Variants in RHOB observed in about 807,000 individuals in gnomAD.
RHOB encodes the protein rho-related GTP-binding protein RhoB.
In RHOB, 6 loss-of-function variants were observed where a neutral mutation model predicts 12.9. The ratio of observed to expected loss-of-function variants is 0.47; its 90% CI spans 0.25 to 0.92. The LOEUF (loss-of-function observed/expected upper bound fraction) is 0.92, where lower values mean the gene tolerates loss of function less well. RHOB is among the 40% of genes least tolerant of loss of function. RHOB has a pLI of 0.16. For missense variants in RHOB, 142 were observed against 277.9 expected (o/e 0.51, Z 3.48); for synonymous variants, 168 against 122.1 (o/e 1.38, Z -2.48).
chr2:20,447,669 C>G lies in RHOB; in HGVS notation c.204C>G (p.Arg68=). ...WDTAGQEDYD[R]LRPLSYPDTD... ...CGGCGGGCCAGGAGGACTACGACCGCCTGCGGCCGCTCTCCTACCCGGACA... is the reference window on the plus strand; with the variant it reads ...CGGCGGGCCAGGAGGACTACGACCGGCTGCGGCCGCTCTCCTACCCGGACA... Residue 68 remains arginine, a synonymous_variant, in exon 1 of 1, where the codon CGC becomes CGG. Transcript: ENST00000272233. 1.9e-6 allele frequency: 3 copies of G among 1,613,892 alleles called. No individual in the cohort carries two copies. The highest frequency in any genetic ancestry group is 2.5e-6 in the Non-Finnish European group (3 of 1,179,956).
chr2:20,447,283 G>GCGCCCCCAC lies in RHOB; in HGVS notation c.-175_-167dup, dbSNP rs1691015480. The GCGCCCCCAC allele has an allele frequency of 4.5e-6, 2 of 444,384 alleles. No homozygotes were observed. The highest frequency in any genetic ancestry group is 3.9e-6 in the Non-Finnish European group (1 of 258,796). The allele number at this position is 444,384 out of a possible 1,614,324, so 27.5% of individuals were successfully genotyped here. A position where few individuals can be genotyped will look rare whatever the true frequency, so the allele number is the denominator to read the frequency against. On this transcript the variant is annotated 5_prime_UTR_variant, in exon 1 of 1. Transcript: ENST00000272233. Reference sequence around the variant, plus strand: ...GACGCACGGTGCGCCCTATGCCCCCGCGCCCCCACCGCCCCCGCCGCGGCA... The same window carrying GCGCCCCCAC: ...GACGCACGGTGCGCCCTATGCCCCCGCGCCCCCACCGCCCCCACCGCCCCCGCCGCGGCA...
rs1423553594 is a variant in RHOB at position 20,449,360 on chromosome 2, A to G, written c.*1304A>G. The G allele has an allele frequency of 6.0e-6, 1 of 166,954 alleles. No individual in the cohort carries two copies. The highest frequency in any genetic ancestry group is 1.5e-5 in the Non-Finnish European group (1 of 68,114). The allele number at this position is 166,954 out of a possible 1,614,324, so 10.3% of individuals were successfully genotyped here. A position where few individuals can be genotyped will look rare whatever the true frequency, so the allele number is the denominator to read the frequency against. On this transcript the variant is annotated 3_prime_UTR_variant, in exon 1 of 1. Coordinates refer to ENST00000272233, the MANE Select transcript of RHOB (RefSeq NM_004040.4). ...TGACAAATGACAAAATGGTGAGCTTATGATGTTTACATAAAAGTTCTATAA... is the reference window on the plus strand; with the variant it reads ...TGACAAATGACAAAATGGTGAGCTTGTGATGTTTACATAAAAGTTCTATAA...
Position 20,447,777 on chromosome 2 carries a change from G to A in RHOB, c.312G>A (p.Lys104=), listed in dbSNP as rs1193634597. 3 of 1,613,868 alleles carry A rather than the reference G, an allele frequency of 1.9e-6. No homozygotes were observed. Among genetic ancestry groups the A allele is most frequent in the Non-Finnish European group, 2.5e-6 (3 of 1,179,996 alleles). ...NIPEKWVPEV[K]HFCPNVPIIL... is the part of the protein sequence containing the mutation. ...CCGAGAAGTGGGTCCCCGAGGTGAA[G>A]CACTTCTGTCCCAATGTGCCCATCA... Residue 104 remains lysine, a synonymous_variant, in exon 1 of 1, where the codon AAG becomes AAA. Transcript: ENST00000272233.
At position 20,449,032 on chromosome 2, in the gene RHOB, CTT is replaced by C. The variant is rs1456727616; in HGVS notation, c.*979_*980del. 1.2e-5 allele frequency: 2 copies of C among 167,076 alleles called. No individual in the cohort carries two copies. The highest frequency in any genetic ancestry group is 2.9e-5 in the Non-Finnish European group (2 of 68,110). The allele number at this position is 167,076 out of a possible 1,614,324, so 10.3% of individuals were successfully genotyped here. ...TACTTCTGATGTTTTTAAAAAATGA[CTT>C]TTAACAAGGAGAGGGAAAAGAAACC... On this transcript the variant is annotated 3_prime_UTR_variant, in exon 1 of 1. Coordinates refer to ENST00000272233, the MANE Select transcript of RHOB (RefSeq NM_004040.4).
chr2:20,448,269 G>T lies in RHOB; in HGVS notation c.*213G>T, dbSNP rs1691041048. The T allele has an allele frequency of 1.7e-6, 1 of 598,956 alleles. No individual in the cohort carries two copies. The highest frequency in any genetic ancestry group is 3.0e-6 in the Non-Finnish European group (1 of 329,566). 37.1% of individuals were successfully genotyped at this position (598,956 alleles called of 1,614,324 possible). Reference sequence around the variant, plus strand: ...TGTGTGCGTCCAGCTGTGTTGCACAGGCCTGGGCTCCCCACTGAGTGCCAA... The same window carrying T: ...TGTGTGCGTCCAGCTGTGTTGCACATGCCTGGGCTCCCCACTGAGTGCCAA... On this transcript the variant is annotated 3_prime_UTR_variant, in exon 1 of 1. Transcript: ENST00000272233.
chr2:20,449,302 A>T lies in RHOB; in HGVS notation c.*1246A>T, dbSNP rs1691067988. 1 of 166,748 alleles carries T rather than the reference A, an allele frequency of 6.0e-6. No homozygotes were observed. The highest frequency in any genetic ancestry group is 2.1e-4 in the South Asian group (1 of 4,826). 10.3% of individuals were successfully genotyped at this position (166,748 alleles called of 1,614,324 possible). ...TCCCTCCCAGTGGTACTTCTACTAA[A>T]TTGTTGTCTTGTTTTTTATTTTTTA... On this transcript the variant is annotated 3_prime_UTR_variant, in exon 1 of 1. Transcript: ENST00000272233.
At position 20,447,725 on chromosome 2, in the gene RHOB, A is replaced by G; in HGVS notation, c.260A>G (p.Asp87Gly). The G allele has an allele frequency of 6.3e-7, 1 of 1,577,874 alleles. No individual in the cohort carries two copies. Among genetic ancestry groups the G allele is most frequent in the Middle Eastern group, 1.7e-4 (1 of 6,000 alleles). The change falls in exon 1 of 1, where the codon GAC becomes GGC. Residue 87 changes from aspartate to glycine, a missense_variant. Asp to Gly is a moderately conservative substitution (Grantham distance 94). Around this residue, in one of 2 missense-constraint regions of RHOB, gnomAD observed 113 missense variants for 166.3 expected, o/e 0.68. Coordinates refer to ENST00000272233, the MANE Select transcript of RHOB (RefSeq NM_004040.4). ...TDVILMCFSV[D>G]SPDSLENIPE... Reference sequence around the variant, plus strand: ...GTCATTCTCATGTGCTTCTCGGTGGACAGCCCGGACTCGCTGGAGAACATC... The same window carrying G: ...GTCATTCTCATGTGCTTCTCGGTGGGCAGCCCGGACTCGCTGGAGAACATC...
Position 20,447,179 on chromosome 2 carries a change from G to C in RHOB, c.-287G>C, listed in dbSNP as rs989875389. 1.3e-5 allele frequency: 4 copies of C among 314,642 alleles called. No individual in the cohort carries two copies. Among genetic ancestry groups the C allele is most frequent in the African/African-American group, 6.5e-5 (3 of 45,980 alleles). The allele number at this position is 314,642 out of a possible 1,614,324, so 19.5% of individuals were successfully genotyped here. A position where few individuals can be genotyped will look rare whatever the true frequency, so the allele number is the denominator to read the frequency against. On this transcript the variant is annotated 5_prime_UTR_variant, in exon 1 of 1. Coordinates refer to ENST00000272233, the MANE Select transcript of RHOB (RefSeq NM_004040.4). The stretch of plus-strand genomic sequence containing the variant: ...AGTCCACCGCCCGAGTCTGCTGCCC[G>C]AGCCCGCGTTACGCACAAAGCCGCC...
Position 20,448,114 on chromosome 2 carries a change from C to G in RHOB, c.*58C>G. 6.9e-7 allele frequency: 1 copy of G among 1,441,160 alleles called. No individual in the cohort carries two copies. Among genetic ancestry groups the G allele is most frequent in the Non-Finnish European group, 9.5e-7 (1 of 1,057,200 alleles). The allele number at this position is 1,441,160 out of a possible 1,614,324, so 89.3% of individuals were successfully genotyped here. ...ACGGCTCCCCCTCCTGGACCAGTCCCCCGCGAGCCCGGAGAAGGGGAGACC... is the reference window on the plus strand; with the variant it reads ...ACGGCTCCCCCTCCTGGACCAGTCCGCCGCGAGCCCGGAGAAGGGGAGACC... On this transcript the variant is annotated 3_prime_UTR_variant, in exon 1 of 1. Transcript: ENST00000272233.
At position 20,448,086 on chromosome 2, in the gene RHOB, G is replaced by T; in HGVS notation, c.*30G>T. 1.3e-6 allele frequency: 2 copies of T among 1,565,280 alleles called. No homozygotes were observed. Among genetic ancestry groups the T allele is most frequent in the South Asian group, 2.3e-5 (2 of 86,468 alleles). ...CGCGCCCGTCGCGCCTGCCCCTGCCGGCACGGCTCCCCCTCCTGGACCAGT... is the reference window on the plus strand; with the variant it reads ...CGCGCCCGTCGCGCCTGCCCCTGCCTGCACGGCTCCCCCTCCTGGACCAGT... On this transcript the variant is annotated 3_prime_UTR_variant, in exon 1 of 1. Transcript: ENST00000272233.
chr2:20,447,997 G>T lies in RHOB; in HGVS notation c.532G>T (p.Ala178Ser). 6.2e-7 allele frequency: 1 copy of T among 1,612,764 alleles called. No homozygotes were observed. Among genetic ancestry groups the T allele is most frequent in the Non-Finnish European group, 8.5e-7 (1 of 1,179,904 alleles). ...REVFETATRA[A>S]LQKRYGSQNG... ...GGTCTTCGAGACGGCCACGCGCGCC[G>T]CGCTGCAGAAGCGCTACGGCTCCCA... is the stretch of plus-strand genomic sequence containing the variant. Residue 178 changes from alanine (A) to serine (S), a missense_variant, in exon 1 of 1, where the codon GCG becomes TCG. By Grantham distance (99) the Ala-to-Ser change is moderately conservative. Around this residue, in one of 2 missense-constraint regions of RHOB, gnomAD observed 113 missense variants for 166.3 expected, o/e 0.68. Coordinates refer to ENST00000272233, the MANE Select transcript of RHOB (RefSeq NM_004040.4).
At position 20,447,194 on chromosome 2, in the gene RHOB, A is replaced by T. The variant is rs1266545490; in HGVS notation, c.-272A>T. On this transcript the variant is annotated 5_prime_UTR_variant, in exon 1 of 1. Transcript: ENST00000272233. Reference sequence around the variant, plus strand: ...TCTGCTGCCCGAGCCCGCGTTACGCACAAAGCCGCCGATCCCCGGCCTGGG... The same window carrying T: ...TCTGCTGCCCGAGCCCGCGTTACGCTCAAAGCCGCCGATCCCCGGCCTGGG... The T allele has an allele frequency of 1.8e-5, 6 of 330,502 alleles. No homozygotes were observed. In the East Asian group the frequency reaches 2.4e-4, roughly 13 times the overall value. The allele number at this position is 330,502 out of a possible 1,614,324, so 20.5% of individuals were successfully genotyped here. A position where few individuals can be genotyped will look rare whatever the true frequency, so the allele number is the denominator to read the frequency against.
At position 20,447,453 on chromosome 2, in the gene RHOB, G is replaced by T; in HGVS notation, c.-13G>T. 3 of 1,597,088 alleles carry T rather than the reference G, an allele frequency of 1.9e-6. No homozygotes were observed. Among genetic ancestry groups the T allele is most frequent in the South Asian group, 1.1e-5 (1 of 88,424 alleles). On this transcript the variant is annotated 5_prime_UTR_variant, in exon 1 of 1. Coordinates refer to ENST00000272233, the MANE Select transcript of RHOB (RefSeq NM_004040.4). ...TCGCGGGCCCCCTCCTGCTGCCCGG[G>T]CCCGGCCCGCTCATGGCGGCCATCC...
In RHOB at chr2:20,447,164, C is replaced by A. The variant is rs957835305; in HGVS notation, c.-302C>A. 3 of 299,336 alleles carry A rather than the reference C, an allele frequency of 1.0e-5. No individual in the cohort carries two copies. Among genetic ancestry groups the A allele is most frequent in the Non-Finnish European group, 1.8e-5 (3 of 163,964 alleles). The allele number at this position is 299,336 out of a possible 1,614,324, so 18.5% of individuals were successfully genotyped here. ...GAGAGAGCTAGGCCGAGTCCACCGC[C>A]CGAGTCTGCTGCCCGAGCCCGCGTT... On this transcript the variant is annotated 5_prime_UTR_variant, in exon 1 of 1. Coordinates refer to ENST00000272233, the MANE Select transcript of RHOB (RefSeq NM_004040.4).
chr2:20,448,414 T>G lies in RHOB; in HGVS notation c.*358T>G. The G allele has an allele frequency of 3.2e-5, 9 of 277,846 alleles. No individual in the cohort carries two copies. Among genetic ancestry groups the G allele is most frequent in the East Asian group, 8.4e-5 (1 of 11,928 alleles). The allele number at this position is 277,846 out of a possible 1,614,324, so 17.2% of individuals were successfully genotyped here. ...CGCCTCTGATCCCCGGGGGCGAGAT[T>G]GGCGCGGGAGTGTGGCCGCGCCCCA... On this transcript the variant is annotated 3_prime_UTR_variant, in exon 1 of 1. Transcript: ENST00000272233.
At position 20,447,431 on chromosome 2, in the gene RHOB, C is replaced by A. The variant is rs749180218; in HGVS notation, c.-35C>A. 33 of 1,532,178 alleles carry A rather than the reference C, an allele frequency of 2.2e-5. No homozygotes were observed. Among genetic ancestry groups the A allele is most frequent in the Non-Finnish European group, 2.7e-5 (31 of 1,130,244 alleles). 94.9% of individuals were successfully genotyped at this position (1,532,178 alleles called of 1,614,324 possible). On this transcript the variant is annotated 5_prime_UTR_variant, in exon 1 of 1. Coordinates refer to ENST00000272233, the MANE Select transcript of RHOB (RefSeq NM_004040.4). ...GAGCGGGAGGGCAGCGAGGCGTTCGCGGGCCCCCTCCTGCTGCCCGGGCCC... is the reference window on the plus strand; with the variant it reads ...GAGCGGGAGGGCAGCGAGGCGTTCGAGGGCCCCCTCCTGCTGCCCGGGCCC...
At position 20,447,609 on chromosome 2, in the gene RHOB, G is replaced by A; in HGVS notation, c.144G>A (p.Val48=). The A allele has an allele frequency of 6.2e-7, 1 of 1,614,090 alleles. No homozygotes were observed. The highest frequency in any genetic ancestry group is 1.1e-5 in the South Asian group (1 of 91,090). ...AGAACTATGTGGCCGACATTGAGGTGGACGGCAAGCAGGTGGAGCTGGCGC... is the reference window on the plus strand; with the variant it reads ...AGAACTATGTGGCCGACATTGAGGTAGACGGCAAGCAGGTGGAGCTGGCGC... ...VFENYVADIE[V]DGKQVELALW... Residue 48 remains valine (V), a synonymous_variant, in exon 1 of 1, where the codon GTG becomes GTA. Transcript: ENST00000272233.
Position 20,448,216 on chromosome 2 carries a change from G to A in RHOB, c.*160G>A. ...TCTGGCTTGCGCCAGGACTTGGCGT[G>A]GGCACCGGGCGCCCCCATCCCAGTG... On this transcript the variant is annotated 3_prime_UTR_variant, in exon 1 of 1. Transcript: ENST00000272233. 1.5e-6 allele frequency: 1 copy of A among 671,602 alleles called. No individual in the cohort carries two copies. Among genetic ancestry groups the A allele is most frequent in the Non-Finnish European group, 2.6e-6 (1 of 389,224 alleles). 41.6% of individuals were successfully genotyped at this position (671,602 alleles called of 1,614,324 possible).
In RHOB at chr2:20,447,298, C is replaced by A; in HGVS notation, c.-168C>A. ...CTATGCCCCCGCGCCCCCACCGCCC[C>A]CGCCGCGGCAGCCGAAGCGCAGCGA... On this transcript the variant is annotated 5_prime_UTR_variant, in exon 1 of 1. Transcript: ENST00000272233. 2.1e-6 allele frequency: 1 copy of A among 475,388 alleles called. No individual in the cohort carries two copies. Among genetic ancestry groups the A allele is most frequent in the Non-Finnish European group, 3.5e-6 (1 of 284,584 alleles). The allele number at this position is 475,388 out of a possible 1,614,324, so 29.4% of individuals were successfully genotyped here.
Sources: gnomAD v4.1 joint callset for allele counts on GRCh38, gnomAD v4.1.1 for gene constraint, gnomAD v4.1.1 regional missense constraint, MANE v1.5 for transcripts, NCBI Gene and HGNC (gene_info 2026-07-23, HGNC 2026-07-21) for gene names.